ANO2: variants seen among roughly 807,000 people sequenced by gnomAD.
The protein encoded by ANO2 is anoctamin-2.
Under a neutral mutation model 124.2 loss-of-function variants are expected in ANO2, and 101 were observed. The observed-to-expected ratio is 0.81, with a 90% CI of 0.69 to 0.96. ANO2 has a LOEUF of 0.96. Among genes scored for constraint, ANO2 ranks in the 40% least tolerant of loss-of-function variants. The pLI, the probability that ANO2 is intolerant of heterozygous loss-of-function variation, is 0.00. For synonymous variants in ANO2, 486 were observed against 482.5 expected (o/e 1.01, Z -0.09); for missense variants, 1,293 against 1,274.5 (o/e 1.01, Z -0.22).
intron 14 of ANO2, among the ~76,000 whole-genome samples, chr12:5,697,626 G>A (rs1039935117): frequency 8.5e-5 from 13 of 152,228 alleles, no homozygotes; most frequent in African/African-American, 1.4e-4. Context: ...TGGGTGCAGC[G>A]CACCAAGCAT....
Position 5,646,218 on chromosome 12 carries a change from C to G in ANO2, c.1620+1509G>C, listed in dbSNP as rs142390986. Among the ~76,000 whole-genome samples the G allele has an allele frequency of 1.1e-4, 17 of 152,294 alleles. 1 individual carries two copies. Among genetic ancestry groups the G allele is most frequent in the Admixed American group, 2.0e-4 (3 of 15,296 alleles). On this transcript the variant is annotated intron_variant, in intron 15 of 24. Transcript: ENST00000682330. ...AGGTTTGCCGAGATGGGAAAATGTT[C>G]TCAAGGTAAAAGCAGCTCTAGTGCC... is the stretch of plus-strand genomic sequence containing the variant.
At position 5,852,848 on chromosome 12, in the gene ANO2, C is replaced by CGTGTGTGTGTGTGTGT. The variant is rs71445682; in HGVS notation, c.633+1179_633+1194dup. On this transcript the variant is annotated intron_variant, in intron 4 of 24. Transcript: ENST00000682330. ...TATACAACTACACTATGGAAAGGGACGTGTGTGTGTGTGTGTGTGTGTGTG... is the reference window on the plus strand; with the variant it reads ...TATACAACTACACTATGGAAAGGGACGTGTGTGTGTGTGTGTGTGTGTGTGTGTGTGTGTGTGTGTG... 3.1e-4 allele frequency among the ~76,000 whole-genome samples: 39 copies of CGTGTGTGTGTGTGTGT among 123,954 alleles called. 1 individual carries two copies. The highest frequency in any genetic ancestry group is 9.3e-4 in the African/African-American group (30 of 32,408). The allele number at this position is 123,954 out of a possible 152,430, so 81.3% of individuals were successfully genotyped here.
chr12:5,645,563 T>C (rs1176665433), intron 15 of ANO2, among the ~76,000 whole-genome samples: 1 of 152,214 alleles, frequency 6.6e-6, no homozygotes, highest in Non-Finnish European at 1.5e-5. Context: ...TGGTTAGTTT[T>C]CATTATCTGC....
At position 5,612,735 on chromosome 12, in the gene ANO2, T is replaced by C. The variant is rs773145939; in HGVS notation, c.2008A>G (p.Met670Val). Residue 670 changes from methionine (M) to valine (V), a missense_variant, in exon 19 of 25, where the codon ATG becomes GTG. Met to Val is a conservative substitution (Grantham distance 21, BLOSUM62 1). Coordinates refer to ENST00000682330, the MANE Select transcript of ANO2 (RefSeq NM_001364791.2). Reference protein sequence around the residue: ...MEECAPGGCLMELCIQLSIIM... With the variant: ...MEECAPGGCLVELCIQLSIIM... ...ATGCTGAGCTGAATGCAGAGCTCCATGAGACAGCCCCCTGGAGCACACTGC... is the reference window on the plus strand; with the variant it reads ...ATGCTGAGCTGAATGCAGAGCTCCACGAGACAGCCCCCTGGAGCACACTGC... 5.6e-6 allele frequency: 9 copies of C among 1,613,658 alleles called. No individual in the cohort carries two copies. The Middle Eastern group carries it at 4.9e-4, about 88-fold the overall frequency.
intron 14 of ANO2, among the ~76,000 whole-genome samples, chr12:5,692,592 C>G (rs1948989838): frequency 6.6e-6 from 1 of 152,112 alleles, no homozygotes; most frequent in African/African-American, 2.4e-5. Flanking sequence ...CAGAAAATGG[C>G]AAGAATCTAA....
chr12:5,668,567 A>G (rs1378127474), intron 14 of ANO2, among the ~76,000 whole-genome samples: 3 of 152,036 alleles, frequency 2.0e-5, no homozygotes, highest in African/African-American at 7.3e-5. Context: ...CTTGTTTGTC[A>G]ATTTTCGCTT....
Position 5,664,888 on chromosome 12 carries a change from T to C in ANO2, c.1546-17087A>G, listed in dbSNP as rs1351901753. Among the ~76,000 whole-genome samples, 7 of 152,264 alleles carry C rather than the reference T, an allele frequency of 4.6e-5. No homozygotes were observed. In the South Asian group the frequency reaches 6.2e-4, roughly 13 times the overall value. ...AGTTTAATCCAGCTTTCACTGATTA[T>C]GATCATCATTATTTGATCATGAAAC... On this transcript the variant is annotated intron_variant, in intron 14 of 24. Transcript: ENST00000682330.
intron 16 of ANO2, among the ~76,000 whole-genome samples, chr12:5,621,538 G>C (rs940596746): frequency 6.6e-6 from 1 of 152,200 alleles, no homozygotes; most frequent in Non-Finnish European, 1.5e-5. Context: ...GATGGGAGGG[G>C]AAGGGCAGAG....
chr12:5,593,463 T>G (rs1043790882), intron 20 of ANO2, among the ~76,000 whole-genome samples: 2 of 152,034 alleles, frequency 1.3e-5, no homozygotes, highest in African/African-American at 2.4e-5. Flanking sequence ...CATCTTGGAG[T>G]GTTTAGAGCT....
rs561989870 is a variant in ANO2 at position 5,714,794 on chromosome 12, T to C, written c.1545+17726A>G. ...TCACAACGTGCGATAGTTAAGAATG[T>C]GCAGAGCCACCGTCCTAAACTATAT... On this transcript the variant is annotated intron_variant, in intron 14 of 24. Coordinates refer to ENST00000682330, the MANE Select transcript of ANO2 (RefSeq NM_001364791.2). 2.6e-5 allele frequency among the ~76,000 whole-genome samples: 4 copies of C among 152,296 alleles called. No homozygotes were observed. The South Asian group carries it at 8.3e-4, about 32-fold the overall frequency.
rs536629294 is a variant in ANO2, at chr12:5,621,156, C to T, written c.1817-5859G>A. Among the ~76,000 whole-genome samples the T allele has an allele frequency of 9.2e-5, 14 of 152,282 alleles. No individual in the cohort carries two copies. The East Asian group carries it at 2.5e-3, about 27-fold the overall frequency. On this transcript the variant is annotated intron_variant, in intron 16 of 24. Transcript: ENST00000682330. ...TGAACCCTCGCGCTCGCCACACTCC[C>T]ACTCTTGCCCCACCCCCGCATACAG... is the stretch of plus-strand genomic sequence containing the variant.
At chr12:5,733,793 G>A (rs1328273007) in intron 13 of ANO2, among the ~76,000 whole-genome samples, 4 of 152,244 alleles carry the variant, frequency 2.6e-5, no homozygotes, top group Admixed American at 1.3e-4. Flanking sequence ...TCCAACTGTT[G>A]CAACATACCT....
chr12:5,659,678 G>C (rs1947344639), intron 14 of ANO2, among the ~76,000 whole-genome samples: 1 of 152,290 alleles, frequency 6.6e-6, no homozygotes, highest in South Asian at 2.1e-4. Flanking sequence ...AAACACTCTG[G>C]CTCCCCTTCT....
intron 1 of ANO2, among the ~76,000 whole-genome samples, chr12:5,943,030 T>A (rs1326861962): frequency 1.3e-5 from 2 of 152,200 alleles, no homozygotes; most frequent in Non-Finnish European, 2.9e-5. Context: ...TGTAAACTAG[T>A]ACAACCACTA....
intron 9 of ANO2, among the ~76,000 whole-genome samples, chr12:5,800,644 G>T (rs1397882379): frequency 2.6e-5 from 4 of 152,200 alleles, no homozygotes. Context: ...ATAAGAACTT[G>T]GCCTGAGCCA....
At chr12:5,719,310 C>A (rs1260749884) in intron 14 of ANO2, among the ~76,000 whole-genome samples, 2 of 152,196 alleles carry the variant, frequency 1.3e-5, no homozygotes, top group African/African-American at 4.8e-5. Context: ...CACACTCACA[C>A]ACTCACACAC....
At position 5,612,417 on chromosome 12, in the gene ANO2, T is replaced by C. The variant is rs144862439; in HGVS notation, c.2087+239A>G. Among the ~76,000 whole-genome samples, 30 of 152,344 alleles carry C rather than the reference T, an allele frequency of 2.0e-4. No individual in the cohort carries two copies. In the East Asian group the frequency reaches 4.8e-3, roughly 25 times the overall value. ...GGCCAAGACATCTGACTCCTGGCTC[T>C]GCTACTTACTAGTTATGTGTACTTA... On this transcript the variant is annotated intron_variant, in intron 19 of 24. Transcript: ENST00000682330.
chr12:5,726,966 C>T (rs894916626), intron 14 of ANO2, among the ~76,000 whole-genome samples: 3 of 152,198 alleles, frequency 2.0e-5, no homozygotes, highest in African/African-American at 7.2e-5. Context: ...AACTCCTACC[C>T]CGGGGTCCTT....
intron 14 of ANO2, among the ~76,000 whole-genome samples, chr12:5,701,209 G>A (rs1046483607): frequency 6.8e-6 from 1 of 147,174 alleles, no homozygotes; most frequent in South Asian, 2.2e-4. Flanking sequence ...GGGGTCTACA[G>A]ATATCATTTC....
Sources: allele counts gnomAD v4.1 joint callset (sites outside exome capture counted in the v4.1 genomes callset), GRCh38; gene constraint gnomAD v4.1.1; transcripts MANE v1.5; gene names NCBI Gene and HGNC (gene_info 2026-07-23, HGNC 2026-07-21).